Variants in SLC39A10 observed in about 807,000 individuals in gnomAD.
SLC39A10 encodes solute carrier family 39 member 10, also known as zinc transporter ZIP10.
Under a neutral mutation model 65.1 loss-of-function variants are expected in SLC39A10, and 13 were observed. The observed-to-expected ratio is 0.20, with a 90% CI of 0.13 to 0.32. The LOEUF (loss-of-function observed/expected upper bound fraction) is 0.32, where lower values mean the gene tolerates loss of function less well. Among genes scored for constraint, SLC39A10 ranks in the 10% least tolerant of loss-of-function variants. SLC39A10 has a pLI of 1.00. For synonymous variants in SLC39A10, 321 were observed against 342.2 expected (o/e 0.94, Z 0.68); for missense variants, 831 against 1,018.4 (o/e 0.82, Z 2.50).
chr2:195,696,317 C>T (rs10193860), intron 3 of SLC39A10, among the ~76,000 whole-genome samples: 6 of 52,626 alleles, frequency 1.1e-4, no homozygotes, highest in Admixed American at 2.0e-4. Context: ...TTTTTTATTT[C>T]TGAAAAAAAA....
chr2:195,709,193 T>TTGTATGTATGTA (rs59346406), intron 5 of SLC39A10, among the ~76,000 whole-genome samples: 39 of 144,916 alleles, frequency 2.7e-4, no homozygotes, highest in Non-Finnish European at 3.2e-4. Context: ...CCCAGCTAAC[T>TTGTATGTATGTA]TGTATGTATG....
At chr2:195,675,517 G>T (rs1223194866) in intron 1 of SLC39A10, among the ~76,000 whole-genome samples, 1 of 152,180 alleles carries the variant, frequency 6.6e-6, no homozygotes, top group African/African-American at 2.4e-5. Context: ...CTCACTGCAA[G>T]CTGCGCTTCC....
intron 8 of SLC39A10, among the ~76,000 whole-genome samples, chr2:195,719,342 T>C (rs1691933550): frequency 1.3e-5 from 2 of 152,218 alleles, no homozygotes; most frequent in Admixed American, 1.3e-4. Flanking sequence ...TAATTTAATC[T>C]GTTGTTTCTG....
chr2:195,709,037 T>A (rs1691507978), intron 5 of SLC39A10, among the ~76,000 whole-genome samples, 193 bp downstream of exon 5: 1 of 152,098 alleles, frequency 6.6e-6, no homozygotes, highest in Admixed American at 6.5e-5. Flanking sequence ...GTTGTTTGGT[T>A]TTTTTGAGAC....
chr2:195,654,385 T>G (rs192044908), upstream of SLC39A10, among the ~76,000 whole-genome samples: 2 of 152,354 alleles, frequency 1.3e-5, no homozygotes, highest in South Asian at 2.1e-4. Context: ...TGAAGTAGGT[T>G]TCTTATTTCC....
At chr2:195,692,532 T>C (rs943322443) in intron 3 of SLC39A10, among the ~76,000 whole-genome samples, 2 of 152,206 alleles carry the variant, frequency 1.3e-5, no homozygotes, top group African/African-American at 4.8e-5. Context: ...CAGCACTGTT[T>C]TATAGTTTTC....
chr2:195,690,340 G>T (rs1690690497), intron 3 of SLC39A10, among the ~76,000 whole-genome samples: 1 of 151,986 alleles, frequency 6.6e-6, no homozygotes. Context: ...CTGTGAACAT[G>T]GGCATCTCTC....
chr2:195,621,952 T>G (rs531753869), intron 2 of SLC39A10, among the ~76,000 whole-genome samples: 210 of 152,298 alleles, frequency 1.4e-3, no homozygotes, highest in African/African-American at 4.5e-3. Flanking sequence ...CTGAGTCCCA[T>G]ATAGTAAATG....
intron 3 of SLC39A10, among the ~76,000 whole-genome samples, chr2:195,690,187 AAAAAAAAAAAAAG>A (rs1309016293): frequency 1.3e-5 from 2 of 150,992 alleles, no homozygotes; most frequent in Admixed American, 6.6e-5. Context: ...AAAAAAAAAA[AAAAAAAAAAAAAG>A]AAAGAAATTC....
At chr2:195,630,552 G>T (rs564648621) in intron 2 of SLC39A10, among the ~76,000 whole-genome samples, 130 of 152,284 alleles carry the variant, frequency 8.5e-4, no homozygotes, top group East Asian at 7.7e-4. Context: ...CAGAAAGTCG[G>T]GGAAACATTA....
intron 1 of SLC39A10, among the ~76,000 whole-genome samples, chr2:195,670,108 G>A (rs763340125): frequency 2.6e-5 from 4 of 152,132 alleles, no homozygotes; most frequent in Non-Finnish European, 5.9e-5. Context: ...GCAGTGAGCG[G>A]AGATCATGCC....
intron 3 of SLC39A10, among the ~76,000 whole-genome samples, chr2:195,696,665 A>G (rs975479427): frequency 3.0e-4 from 45 of 152,140 alleles, no homozygotes; most frequent in Non-Finnish European, 5.6e-4. Flanking sequence ...CGCTCTCCCA[A>G]AATACAACTA....
chr2:195,699,002 G>A (rs1691081288), intron 3 of SLC39A10, among the ~76,000 whole-genome samples: 1 of 151,742 alleles, frequency 6.6e-6, no homozygotes, highest in Admixed American at 6.6e-5. Context: ...CCCATTTTCT[G>A]TTTTTTCATG....
intron 1 of SLC39A10, among the ~76,000 whole-genome samples, chr2:195,677,284 C>T (rs1002404913): frequency 6.6e-6 from 1 of 151,910 alleles, no homozygotes; most frequent in Non-Finnish European, 1.5e-5. Context: ...GGTATGGTAG[C>T]TCACACCTGC....
At chr2:195,626,302 C>A (rs901776888) in intron 2 of SLC39A10, among the ~76,000 whole-genome samples, 2 of 152,110 alleles carry the variant, frequency 1.3e-5, no homozygotes, top group African/African-American at 4.8e-5. Context: ...CTTTATTATT[C>A]CCCTACAGAT....
chr2:195,684,319 G>C (rs952849006), intron 3 of SLC39A10, among the ~76,000 whole-genome samples: 3 of 152,064 alleles, frequency 2.0e-5, no homozygotes, highest in Non-Finnish European at 2.9e-5. Flanking sequence ...AAAAAGGGAA[G>C]CTACTGTGTG....
chr2:195,667,609 A>G (rs758542538), intron 1 of SLC39A10, among the ~76,000 whole-genome samples: 3 of 152,240 alleles, frequency 2.0e-5, no homozygotes, highest in Admixed American at 6.5e-5. Context: ...ACATAATACT[A>G]CATCTAATAA....
At chr2:195,731,037 C>T (rs1041788805) in intron 9 of SLC39A10, among the ~76,000 whole-genome samples, 1 of 152,174 alleles carries the variant, frequency 6.6e-6, no homozygotes, top group African/African-American at 2.4e-5. Flanking sequence ...CCCTGCCTTC[C>T]AACTCTGTAT....
chr2:195,625,030 A>C (rs1009482476), intron 2 of SLC39A10, among the ~76,000 whole-genome samples: 1 of 150,536 alleles, frequency 6.6e-6, no homozygotes, highest in Non-Finnish European at 1.5e-5. Context: ...CAGCCTGGAC[A>C]ACATGGTGAA....
Sources: gnomAD v4.1 joint callset for allele counts (sites outside exome capture counted in the v4.1 genomes callset) on GRCh38, gnomAD v4.1.1 for gene constraint, MANE v1.5 for transcripts, NCBI Gene and HGNC (gene_info 2026-07-23, HGNC 2026-07-21) for gene names.